Variants in PKNOX2 observed in about 807,000 individuals in gnomAD.
PKNOX2 encodes homeobox protein PKNOX2.
Under a neutral mutation model 53.1 loss-of-function variants are expected in PKNOX2, and 14 were observed. The ratio of observed to expected loss-of-function variants is 0.26; its 90% CI spans 0.17 to 0.41. The LOEUF (loss-of-function observed/expected upper bound fraction) is 0.41. Among genes scored for constraint, PKNOX2 ranks in the 10% least tolerant of loss-of-function variants. The probability of loss-of-function intolerance (pLI) is 1.00; values close to 1 mark genes in which losing one functional copy is unlikely to be tolerated. For synonymous variants in PKNOX2, 257 were observed against 242.8 expected, an observed-to-expected ratio of 1.06 and a Z score of -0.54; for missense variants, 496 against 602.8, an observed-to-expected ratio of 0.82 and a Z score of 1.85.
chr11:125,356,038 C>CT (rs1951592102), intron 4 of PKNOX2, among the ~76,000 whole-genome samples: 1 of 148,622 alleles, frequency 6.7e-6, no homozygotes, highest in Admixed American at 6.7e-5. Flanking sequence ...CACCCCCCCC[C>CT]CCACAACTTT....
chr11:125,342,775 G>C (rs1248761977), intron 3 of PKNOX2, among the ~76,000 whole-genome samples: 1 of 151,894 alleles, frequency 6.6e-6, no homozygotes, highest in East Asian at 1.9e-4. Flanking sequence ...GTCTCTGGGG[G>C]AGGGGCGGGC....
chr11:125,303,906 C>T lies in PKNOX2; in HGVS notation c.-129-27913C>T, dbSNP rs566775350. Among the ~76,000 whole-genome samples the T allele has an allele frequency of 1.2e-4, 18 of 152,342 alleles. 1 individual carries two copies. The East Asian group carries it at 3.3e-3, about 28-fold the overall frequency. On this transcript the variant is annotated intron_variant, in intron 2 of 12. Transcript: ENST00000298282. ...TGTCCATTGCAAAACCATCTCCTTC[C>T]ATCAGCAAACATTCTCTTCTCGGCT...
intron 5 of PKNOX2, among the ~76,000 whole-genome samples, chr11:125,380,551 G>A (rs540808542): frequency 2.6e-5 from 4 of 152,188 alleles, no homozygotes; most frequent in South Asian, 2.1e-4. Context: ...CATCATCATC[G>A]ACACTCGGCA....
At chr11:125,239,172 C>T (rs1286452704) in intron 2 of PKNOX2, among the ~76,000 whole-genome samples, 1 of 152,226 alleles carries the variant, frequency 6.6e-6, no homozygotes, top group Non-Finnish European at 1.5e-5. Flanking sequence ...TTTAACTGTA[C>T]TCTCCATAAA....
intron 2 of PKNOX2, among the ~76,000 whole-genome samples, chr11:125,249,018 CTT>C (rs1036201736): frequency 4.7e-5 from 6 of 126,732 alleles, no homozygotes; most frequent in South Asian, 5.4e-4. Flanking sequence ...TTATATATAA[CTT>C]ATATAATATA....
At position 125,213,244 on chromosome 11, in the gene PKNOX2, G is replaced by C. The variant is rs575711824; in HGVS notation, c.-200-21801G>C. ...GCCACCTCTTCCTGCCCTTTGTAGA[G>C]AGTGTGGAGCTCACATCTGCATCAG... On this transcript the variant is annotated intron_variant, in intron 1 of 12. Coordinates refer to ENST00000298282, the MANE Select transcript of PKNOX2 (RefSeq NM_001382323.2). Among the ~76,000 whole-genome samples, 83 of 152,186 alleles carry C rather than the reference G, an allele frequency of 5.5e-4. 3 individuals are homozygous for C. In the South Asian group the frequency reaches 0.014, roughly 26 times the overall value.
chr11:125,210,470 G>A (rs1006845217), intron 1 of PKNOX2, among the ~76,000 whole-genome samples: 2 of 152,146 alleles, frequency 1.3e-5, no homozygotes, highest in Admixed American at 6.5e-5. Flanking sequence ...GTGGATGCAG[G>A]TGCAGTGTTG....
chr11:125,194,980 T>C (rs1957098415), intron 1 of PKNOX2, among the ~76,000 whole-genome samples: 1 of 152,164 alleles, frequency 6.6e-6, no homozygotes, highest in Admixed American at 6.5e-5. Flanking sequence ...AGGCGGGCTC[T>C]ATTGTTATCC....
chr11:125,180,446 G>A (rs981261473), intron 1 of PKNOX2, among the ~76,000 whole-genome samples: 1 of 152,224 alleles, frequency 6.6e-6, no homozygotes, highest in Non-Finnish European at 1.5e-5. Flanking sequence ...ATTCAAAGAT[G>A]CTTTTTCCCT....
At chr11:125,322,710 T>C (rs993353795) in intron 2 of PKNOX2, among the ~76,000 whole-genome samples, 3 of 152,222 alleles carry the variant, frequency 2.0e-5, no homozygotes, top group Admixed American at 6.5e-5. Context: ...ATCACCCCTG[T>C]GTCCCCCAGA....
chr11:125,383,453 A>G (rs1953392616), intron 5 of PKNOX2, among the ~76,000 whole-genome samples: 1 of 151,000 alleles, frequency 6.6e-6, no homozygotes, highest in African/African-American at 2.5e-5. Context: ...GCTAAAAAAA[A>G]AAAAAAAAAA....
chr11:125,397,467 G>A (rs1954478061), intron 6 of PKNOX2, among the ~76,000 whole-genome samples: 1 of 152,216 alleles, frequency 6.6e-6, no homozygotes, highest in South Asian at 2.1e-4. Context: ...AGTTGTCAGG[G>A]AGAATCTAAT....
intron 3 of PKNOX2, among the ~76,000 whole-genome samples, chr11:125,346,271 A>G (rs1950965522): frequency 6.6e-6 from 1 of 151,870 alleles, no homozygotes; most frequent in South Asian, 2.1e-4. Context: ...CCTCCTTCCC[A>G]CTCTCCAACT....
At chr11:125,366,089 C>T (rs1217432709) in intron 4 of PKNOX2, among the ~76,000 whole-genome samples, 1 of 152,220 alleles carries the variant, frequency 6.6e-6, no homozygotes, top group South Asian at 2.1e-4. Flanking sequence ...GCATTTGCTT[C>T]TACTTTCTTT....
chr11:125,264,772 A>G (rs1945173863), intron 2 of PKNOX2, among the ~76,000 whole-genome samples: 1 of 151,096 alleles, frequency 6.6e-6, no homozygotes, highest in Non-Finnish European at 1.5e-5. Flanking sequence ...AAGCCCTGGG[A>G]ACAGGTGTGG....
intron 2 of PKNOX2, among the ~76,000 whole-genome samples, chr11:125,252,572 G>C (rs1301114667): frequency 1.3e-5 from 2 of 152,180 alleles, no homozygotes; most frequent in East Asian, 1.9e-4. Flanking sequence ...GGCTCAGAAG[G>C]GGGAGTGGTG....
Position 125,410,828 on chromosome 11 carries a change from G to A in PKNOX2, c.768G>A (p.Val256=). 1 of 1,614,072 alleles carries A rather than the reference G, an allele frequency of 6.2e-7. No homozygotes were observed. Among genetic ancestry groups the A allele is most frequent in the Non-Finnish European group, 8.5e-7 (1 of 1,180,000 alleles). The change falls in exon 9 of 13, where the codon GTG becomes GTA. Residue 256 remains valine, a synonymous_variant. Transcript: ENST00000298282. ...PVTMVTSQGQ[V]VTQAIPQGAI... is the part of the protein sequence containing the mutation. ...CCATGGTAACCTCCCAGGGTCAGGT[G>A]GTCACCCAAGCAATCCCCCAGGGAG...
At chr11:125,206,108 A>G (rs1939068883) in intron 1 of PKNOX2, among the ~76,000 whole-genome samples, 1 of 152,060 alleles carries the variant, frequency 6.6e-6, no homozygotes, top group Non-Finnish European at 1.5e-5. Flanking sequence ...ACTGTGTTCC[A>G]GGCACTGTGT....
intron 2 of PKNOX2, among the ~76,000 whole-genome samples, chr11:125,311,504 G>GC (rs1948804645): frequency 6.6e-6 from 1 of 152,176 alleles, no homozygotes; most frequent in African/African-American, 2.4e-5. Context: ...TGCTGTGAAA[G>GC]CCCCCCAGAA....
Sources: gnomAD v4.1 joint callset for allele counts (sites outside exome capture counted in the v4.1 genomes callset) on GRCh38, gnomAD v4.1.1 for gene constraint, MANE v1.5 for transcripts, NCBI Gene and HGNC (gene_info 2026-07-23, HGNC 2026-07-21) for gene names.